The following OSBPL10 variants were observed in gnomAD, a reference collection of about 807,000 sequenced individuals.
The protein encoded by OSBPL10 is oxysterol binding protein like 10, also known as oxysterol-binding protein-related protein 10.
A neutral mutation model predicts 81.7 loss-of-function variants in OSBPL10; 49 were observed. The observed-to-expected ratio is 0.60, with a 90% confidence interval of 0.48 to 0.76. The LOEUF (loss-of-function observed/expected upper bound fraction) is 0.76, where lower values mean the gene tolerates loss of function less well. OSBPL10 is among the 30% of genes least tolerant of loss of function. The probability of loss-of-function intolerance (pLI) is 0.00; values close to 1 mark genes in which losing one functional copy is unlikely to be tolerated. For synonymous variants in OSBPL10, 419 were observed against 383.6 expected (o/e 1.09, Z -1.08); for missense variants, 923 against 987.8 (o/e 0.93, Z 0.88).
At chr3:31,786,087 C>T (rs1698852751) in intron 4 of OSBPL10, among the ~76,000 whole-genome samples, 1 of 152,146 alleles carries the variant, frequency 6.6e-6, no homozygotes, top group South Asian at 2.1e-4. Context: ...CCAGGGATGC[C>T]ATTATTCCCT....
At chr3:31,985,898 T>C (rs1182197732), upstream of OSBPL10, among the ~76,000 whole-genome samples, 1 of 152,242 alleles carries the variant, frequency 6.6e-6, no homozygotes, top group Non-Finnish European at 1.5e-5. Flanking sequence ...ACTCCCATTT[T>C]ACAGGCAGAG....
chr3:31,883,320 A>C (rs1419691962), intron 1 of OSBPL10, among the ~76,000 whole-genome samples: 1 of 150,834 alleles, frequency 6.6e-6, no homozygotes, highest in Non-Finnish European at 1.5e-5. Context: ...GCTCACTGCA[A>C]CCTCCACTTC....
intron 2 of OSBPL10, among the ~76,000 whole-genome samples, chr3:32,038,138 G>C (rs918437185): frequency 1.3e-5 from 2 of 152,114 alleles, no homozygotes; most frequent in Non-Finnish European, 2.9e-5. Flanking sequence ...TCCAGGGAAA[G>C]AGCCCTTAGA....
chr3:31,854,564 T>A (rs1700859122), intron 3 of OSBPL10, among the ~76,000 whole-genome samples: 2 of 152,362 alleles, frequency 1.3e-5, no homozygotes, highest in South Asian at 2.1e-4. Flanking sequence ...TATATAATTT[T>A]ACAGTTTTAT....
chr3:31,856,956 T>C (rs1404981508), intron 3 of OSBPL10, among the ~76,000 whole-genome samples: 1 of 152,024 alleles, frequency 6.6e-6, no homozygotes, highest in African/African-American at 2.4e-5. Context: ...GGCACCTGTA[T>C]TCCCAGCTAC....
At chr3:31,944,833 T>TAAA (rs869140991) in intron 1 of OSBPL10, among the ~76,000 whole-genome samples, 7 of 55,118 alleles carry the variant, frequency 1.3e-4, no homozygotes, top group African/African-American at 1.5e-4. Context: ...CCCCTCTCTT[T>TAAA]AAAAAAAAAA....
At chr3:31,991,113 C>G in intron 2 of OSBPL10, 1 of 880,320 alleles carries the variant, frequency 1.1e-6, no homozygotes, top group Admixed American at 2.8e-5. Context: ...GTTGACTTGA[C>G]ATTGAGTTCA....
rs1420712080 is a variant in OSBPL10, at chr3:31,837,318, AAATTATATATATAT to A, written c.538-7101_538-7088del. ...TATATTCCTAGAATTACAGATCCCC[AAATTATATATATAT>A]ATATATATATATATATATATATATA... On this transcript the variant is annotated intron_variant, in intron 3 of 11. Transcript: ENST00000396556. Among the ~76,000 whole-genome samples, 77 of 97,548 alleles carry A rather than the reference AAATTATATATATAT, an allele frequency of 7.9e-4. 1 individual carries two copies. In the South Asian group the frequency reaches 8.8e-3, roughly 11 times the overall value. 64.0% of individuals were successfully genotyped at this position (97,548 alleles called of 152,430 possible).
intron 6 of OSBPL10, among the ~76,000 whole-genome samples, chr3:31,719,748 G>C (rs1390660338): frequency 6.6e-6 from 1 of 152,022 alleles, no homozygotes; most frequent in Non-Finnish European, 1.5e-5. Flanking sequence ...ATATATTTCT[G>C]TAAGTGTACA....
upstream of OSBPL10, among the ~76,000 whole-genome samples, chr3:31,983,301 A>T (rs570597477): frequency 6.6e-6 from 1 of 152,164 alleles, no homozygotes; most frequent in African/African-American, 2.4e-5. Flanking sequence ...CATGCCTTTT[A>T]TTGGAGACTG....
intron 3 of OSBPL10, among the ~76,000 whole-genome samples, chr3:31,834,758 G>C (rs754476072): frequency 6.6e-6 from 1 of 152,118 alleles, no homozygotes; most frequent in Non-Finnish European, 1.5e-5. Context: ...AAAGCTTAGG[G>C]CAACAAGCAC....
chr3:31,690,381 T>C (rs1282436784), intron 7 of OSBPL10, among the ~76,000 whole-genome samples: 1 of 152,236 alleles, frequency 6.6e-6, no homozygotes, highest in Non-Finnish European at 1.5e-5. Context: ...GCAAAACTGG[T>C]CAATTAAACC....
chr3:32,026,057 T>TAATAGATAGATAGATGATTGATAGATA (rs58717718), intron 2 of OSBPL10, among the ~76,000 whole-genome samples: 1 of 111,232 alleles, frequency 9.0e-6, no homozygotes, highest in African/African-American at 3.4e-5. Context: ...GATAGATAGA[T>TAATAGATAGATAGATGATTGATAGATA]GATAGATAGA....
intron 4 of OSBPL10, among the ~76,000 whole-genome samples, chr3:31,798,334 G>A (rs1424336496): frequency 1.3e-5 from 2 of 151,964 alleles, no homozygotes; most frequent in African/African-American, 2.4e-5. Flanking sequence ...GGAAGCCGAG[G>A]CAGGAGAATC....
At chr3:31,941,826 G>A (rs1697542009) in intron 1 of OSBPL10, among the ~76,000 whole-genome samples, 1 of 152,236 alleles carries the variant, frequency 6.6e-6, no homozygotes. Flanking sequence ...AGCACTTCTA[G>A]CTGCCAAATC....
intron 2 of OSBPL10, chr3:31,990,251 T>C: frequency 6.2e-7 from 1 of 1,613,932 alleles, no homozygotes; most frequent in Non-Finnish European, 8.5e-7. Flanking sequence ...CATCAAGCAA[T>C]CCATGGTATA....
At chr3:32,024,009 T>C (rs937002722) in intron 2 of OSBPL10, among the ~76,000 whole-genome samples, 1 of 152,194 alleles carries the variant, frequency 6.6e-6, no homozygotes, top group Admixed American at 6.5e-5. Context: ...CAGTAGACCA[T>C]GGGTAACTGC....
intron 4 of OSBPL10, among the ~76,000 whole-genome samples, chr3:31,791,880 C>G (rs1699019215): frequency 6.6e-6 from 1 of 151,790 alleles, no homozygotes. Flanking sequence ...ACAGATTACT[C>G]CAATTCAATC....
intron 2 of OSBPL10, among the ~76,000 whole-genome samples, chr3:31,986,794 C>T (rs186688450): frequency 4.6e-5 from 7 of 152,062 alleles, no homozygotes; most frequent in Non-Finnish European, 7.4e-5. Context: ...GAGGATTGCC[C>T]AGGAGTTCCA....
Sources: allele counts gnomAD v4.1 joint callset (sites outside exome capture counted in the v4.1 genomes callset), GRCh38; gene constraint gnomAD v4.1.1; transcripts MANE v1.5; gene names NCBI Gene and HGNC (gene_info 2026-07-23, HGNC 2026-07-21).